Variants in VPS50 observed in about 807,000 individuals in gnomAD.
The protein encoded by VPS50 is VPS50 subunit of EARP/GARPII complex.
VPS50 carries 70 observed loss-of-function variants against 139.7 expected under a neutral mutation model. That is an observed-to-expected ratio of 0.50 (90% CI 0.41 to 0.61). The LOEUF (loss-of-function observed/expected upper bound fraction) is 0.61. Ranked by LOEUF, VPS50 falls within the 20% of genes least tolerant of loss-of-function variation. The probability of loss-of-function intolerance (pLI) is 0.00; values close to 1 mark genes in which losing one functional copy is unlikely to be tolerated. For missense variants in VPS50, 921 were observed against 1,133.7 expected (o/e 0.81, Z 2.69); for synonymous variants, 365 against 376.7 (o/e 0.97, Z 0.36).
At chr7:93,244,576 A>G (rs1180023562) in intron 2 of VPS50, among the ~76,000 whole-genome samples, 1 of 151,916 alleles carries the variant, frequency 6.6e-6, no homozygotes, top group Non-Finnish European at 1.5e-5. Context: ...TACTTTCTAT[A>G]TTGTAATTTT....
chr7:93,301,092 C>CA (rs1209917939), intron 16 of VPS50, among the ~76,000 whole-genome samples: 3 of 151,972 alleles, frequency 2.0e-5, no homozygotes, highest in Admixed American at 1.3e-4. Flanking sequence ...GTCAAGAGTT[C>CA]AAGACCAGCC....
At chr7:93,257,842 AT>A (rs1795535579) in intron 6 of VPS50, 2 of 242,278 alleles carry the variant, frequency 8.3e-6, no homozygotes, top group Non-Finnish European at 1.5e-5. Context: ...TACAGTCTTA[AT>A]TTTTTTAATT....
chr7:93,289,883 A>T (rs541660982), intron 12 of VPS50, among the ~76,000 whole-genome samples: 1 of 152,118 alleles, frequency 6.6e-6, no homozygotes, highest in East Asian at 1.9e-4. Context: ...TAAATTAAGG[A>T]AAATTGACAT....
chr7:93,291,868 T>C, intron 13 of VPS50, 33 bp downstream of exon 13: 1 of 1,446,960 alleles, frequency 6.9e-7, no homozygotes, highest in South Asian at 1.3e-5. Flanking sequence ...TTTTAAAAAT[T>C]GAACTATAAA....
chr7:93,360,811 A>AG lies in VPS50; in HGVS notation c.*2381dup, dbSNP rs1353732563. 7 of 152,024 alleles carry AG rather than the reference A, an allele frequency of 4.6e-5. No homozygotes were observed. The highest frequency in any genetic ancestry group is 8.8e-5 in the Non-Finnish European group (6 of 67,970). 9.4% of individuals were successfully genotyped at this position (152,024 alleles called of 1,614,324 possible). On this transcript the variant is annotated 3_prime_UTR_variant, in exon 28 of 28. Coordinates refer to ENST00000305866, the MANE Select transcript of VPS50 (RefSeq NM_017667.4). Reference sequence around the variant, plus strand: ...ACATTGTCTTGCATTTAAAAATGCTAGGGGGGCACATAGCAATTCAAATGA... The same window carrying AG: ...ACATTGTCTTGCATTTAAAAATGCTAGGGGGGGCACATAGCAATTCAAATGA...
intron 9 of VPS50, among the ~76,000 whole-genome samples, chr7:93,269,396 C>T (rs1382275717): frequency 6.6e-6 from 1 of 152,068 alleles, no homozygotes; most frequent in East Asian, 1.9e-4. Context: ...ATCAGTCCTA[C>T]ACTGTTAATT....
At chr7:93,283,933 A>C (rs890340512) in intron 12 of VPS50, among the ~76,000 whole-genome samples, 1 of 152,294 alleles carries the variant, frequency 6.6e-6, no homozygotes, top group South Asian at 2.1e-4. Context: ...ATGAGTGCCT[A>C]TGGAGCACAT....
At chr7:93,290,926 T>A (rs1796631134) in intron 12 of VPS50, among the ~76,000 whole-genome samples, 1 of 152,078 alleles carries the variant, frequency 6.6e-6, no homozygotes, top group Non-Finnish European at 1.5e-5. Context: ...TTGGGGAGTT[T>A]ACTTACACCA....
At chr7:93,288,421 A>G (rs1796555046) in intron 12 of VPS50, among the ~76,000 whole-genome samples, 1 of 152,182 alleles carries the variant, frequency 6.6e-6, no homozygotes, top group African/African-American at 2.4e-5. Flanking sequence ...TGCAATTACA[A>G]ATAATCCTTT....
intron 20 of VPS50, among the ~76,000 whole-genome samples, chr7:93,322,880 A>G (rs1267022331): frequency 6.6e-6 from 1 of 152,152 alleles, no homozygotes; most frequent in African/African-American, 2.4e-5. Context: ...TTGTAAATGC[A>G]GAAGTTTAAT....
chr7:93,275,507 A>T (rs1404893177), intron 11 of VPS50, among the ~76,000 whole-genome samples: 1 of 152,184 alleles, frequency 6.6e-6, no homozygotes, highest in African/African-American at 2.4e-5. Flanking sequence ...GAAGGCCCAG[A>T]TGATTATTAG....
intron 23 of VPS50, among the ~76,000 whole-genome samples, chr7:93,348,297 GAA>G (rs1379504421): frequency 6.6e-6 from 1 of 152,174 alleles, no homozygotes; most frequent in African/African-American, 2.4e-5. Flanking sequence ...GGTTACTTCT[GAA>G]AAGTGTCAGA....
chr7:93,277,928 G>T (rs1021722580), intron 12 of VPS50, among the ~76,000 whole-genome samples: 1 of 151,520 alleles, frequency 6.6e-6, no homozygotes, highest in Non-Finnish European at 1.5e-5. Context: ...TTTTTTTATT[G>T]TAATGTTGCT....
intron 19 of VPS50, among the ~76,000 whole-genome samples, chr7:93,309,977 G>A (rs1042286774): frequency 2.6e-5 from 4 of 151,906 alleles, no homozygotes; most frequent in Non-Finnish European, 4.4e-5. Context: ...AGCAATTCAC[G>A]TAGTTGTAGC....
At chr7:93,252,560 G>A (rs1375760578) in intron 2 of VPS50, 93 bp from the exon 3 acceptor site, 1 of 849,534 alleles carries the variant, frequency 1.2e-6, no homozygotes, top group African/African-American at 1.7e-5. Flanking sequence ...GTTCCAGGTA[G>A]ATGTGACTGT....
In VPS50 at chr7:93,297,131, T is replaced by C; in HGVS notation, c.1263-14T>C. 2 of 1,553,930 alleles carry C rather than the reference T, an allele frequency of 1.3e-6. No individual in the cohort carries two copies. Among genetic ancestry groups the C allele is most frequent in the Non-Finnish European group, 1.7e-6 (2 of 1,161,696 alleles). On this transcript the variant is annotated splice_polypyrimidine_tract_variant and intron_variant, in intron 15 of 27. Transcript: ENST00000305866. ...CTGCTGCTGAAATTTACTGAAACCTTTTTATCCAACTAGGTTGATGCAAGT... is the reference window on the plus strand; with the variant it reads ...CTGCTGCTGAAATTTACTGAAACCTCTTTATCCAACTAGGTTGATGCAAGT...
Position 93,256,468 on chromosome 7 carries a change from T to G in VPS50, c.298-41T>G, listed in dbSNP as rs750203246. On this transcript the variant is annotated intron_variant, in intron 4 of 27. Coordinates refer to ENST00000305866, the MANE Select transcript of VPS50 (RefSeq NM_017667.4). ...TAAAATATCATAGAAAGCATGAAGT[T>G]TGTTCTTTTATTTCCTTTGTTTGAT... is the stretch of plus-strand genomic sequence containing the variant. 7.5e-6 allele frequency: 7 copies of G among 934,044 alleles called. No individual in the cohort carries two copies. The South Asian group carries it at 1.2e-4, about 17-fold the overall frequency. The allele number at this position is 934,044 out of a possible 1,614,324, so 57.9% of individuals were successfully genotyped here. A position where few individuals can be genotyped will look rare whatever the true frequency, so the allele number is the denominator to read the frequency against.
At chr7:93,271,331 A>G in intron 10 of VPS50, 69 bp downstream of exon 10, 1 of 1,447,442 alleles carries the variant, frequency 6.9e-7, no homozygotes, top group South Asian at 1.7e-5. Context: ...CCTAGGTGCA[A>G]CATTGTGTTT....
intron 21 of VPS50, chr7:93,333,895 A>C: frequency 4.5e-6 from 2 of 448,674 alleles, no homozygotes; most frequent in Non-Finnish European, 7.9e-6. Context: ...TAAGATTGAT[A>C]GATGTTAGTG....
Sources: gnomAD v4.1 joint callset for allele counts (sites outside exome capture counted in the v4.1 genomes callset) on GRCh38, gnomAD v4.1.1 for gene constraint, MANE v1.5 for transcripts, NCBI Gene and HGNC (gene_info 2026-07-23, HGNC 2026-07-21) for gene names.